The following TMC5 variants were observed in gnomAD, a reference collection of about 807,000 sequenced individuals.
TMC5 encodes the protein transmembrane channel-like protein 5.
Under a neutral mutation model 110.5 loss-of-function variants are expected in TMC5, and 86 were observed. The ratio of observed to expected loss-of-function variants is 0.78; its 90% CI spans 0.65 to 0.93. The LOEUF is 0.93. Among genes scored for constraint, TMC5 ranks in the 40% least tolerant of loss-of-function variants. The probability of loss-of-function intolerance (pLI) is 0.00; values close to 1 mark genes in which losing one functional copy is unlikely to be tolerated. For missense variants in TMC5, 1,144 were observed against 1,222.8 expected (o/e 0.94, Z 0.96); for synonymous variants, 455 against 439.5 (o/e 1.04, Z -0.44).
chr16:19,442,663 A>G (rs1967517280), intron 3 of TMC5, among the ~76,000 whole-genome samples: 1 of 152,180 alleles, frequency 6.6e-6, no homozygotes, highest in Non-Finnish European at 1.5e-5. Flanking sequence ...TTTGTGGTTT[A>G]ATCAGTAACA....
intron 5 of TMC5, among the ~76,000 whole-genome samples, chr16:19,459,438 G>T (rs1440612261): frequency 6.6e-6 from 1 of 152,124 alleles, no homozygotes. Flanking sequence ...AATGTGAGAA[G>T]TCTCTCGAAC....
rs752720741 is a variant in TMC5 at position 19,487,033 on chromosome 16, G to C, written c.2439+13G>C. ...CTACTCCAAAAATGTGAGTCAGTCC[G>C]ACATTGCCATCAATCAGCTTTGTTC... On this transcript the variant is annotated intron_variant, in intron 16 of 21. Coordinates refer to ENST00000542583, the MANE Select transcript of TMC5 (RefSeq NM_001261841.2). 3.1e-6 allele frequency: 5 copies of C among 1,613,262 alleles called. No homozygotes were observed. The African/African-American group carries it at 5.3e-5, about 17-fold the overall frequency.
intron 13 of TMC5, among the ~76,000 whole-genome samples, chr16:19,478,505 TC>T (rs1332643392): frequency 6.6e-6 from 1 of 152,104 alleles, no homozygotes; most frequent in Non-Finnish European, 1.5e-5. Context: ...CATTCATTTA[TC>T]CATCCATGCA....
Position 19,440,074 on chromosome 16 carries a change from A to T in TMC5, c.36A>T (p.Glu12Asp). The change falls in exon 3 of 22, where the codon GAA becomes GAT. Residue 12 changes from glutamate (E) to aspartate (D), a missense_variant. By Grantham distance (45) the Glu-to-Asp change is conservative. Coordinates refer to ENST00000542583, the MANE Select transcript of TMC5 (RefSeq NM_001261841.2). Reference protein sequence around the residue: ...SAYYRNNWSEEDPDYPDYSGS... With the variant: ...SAYYRNNWSEDDPDYPDYSGS... ...ACTACAGGAATAACTGGTCTGAGGA[A>T]GACCCAGATTACCCTGACTATTCAG... The T allele has an allele frequency of 6.2e-7, 1 of 1,614,120 alleles. No individual in the cohort carries two copies. Among genetic ancestry groups the T allele is most frequent in the Non-Finnish European group, 8.5e-7 (1 of 1,179,998 alleles).
chr16:19,482,878 A>T (rs1029566642), intron 15 of TMC5, among the ~76,000 whole-genome samples: 1 of 151,248 alleles, frequency 6.6e-6, no homozygotes, highest in African/African-American at 2.4e-5. Flanking sequence ...ATTTATTTTT[A>T]ATTTTCTTAT....
chr16:19,474,277 G>A lies in TMC5; in HGVS notation c.2090+1G>A. 6.2e-7 allele frequency: 1 copy of A among 1,613,544 alleles called. No individual in the cohort carries two copies. Among genetic ancestry groups the A allele is most frequent in the Non-Finnish European group, 8.5e-7 (1 of 1,179,738 alleles). ...ACGAAGTCTACGTTCTCCTGATCCGGTAGGTGATGTGTCGCGCCCAACACC... is the reference window on the plus strand; with the variant it reads ...ACGAAGTCTACGTTCTCCTGATCCGATAGGTGATGTGTCGCGCCCAACACC... On this transcript the variant is annotated splice_donor_variant, in intron 12 of 21. Coordinates refer to ENST00000542583, the MANE Select transcript of TMC5 (RefSeq NM_001261841.2). LOFTEE classifies it high-confidence loss of function.
chr16:19,427,077 C>G (rs796334132), intron 1 of TMC5, among the ~76,000 whole-genome samples: 2 of 108,234 alleles, frequency 1.8e-5, no homozygotes, highest in Non-Finnish European at 4.7e-5. Flanking sequence ...CATGTGCCCC[C>G]CTCTCCAGCA....
intron 4 of TMC5, among the ~76,000 whole-genome samples, chr16:19,445,321 C>T (rs191862123): frequency 9.9e-5 from 15 of 151,814 alleles, no homozygotes; most frequent in Admixed American, 8.5e-4. Context: ...TAGCTCACTG[C>T]AGCCTCAAAC....
intron 15 of TMC5, 77 bp from the exon 16 acceptor site, chr16:19,486,868 C>T (rs1968755090): frequency 2.3e-6 from 3 of 1,297,434 alleles, no homozygotes; most frequent in East Asian, 2.3e-5. Context: ...TCTTTCTCTT[C>T]CCCCCAACCA....
At chr16:19,490,640 T>G in intron 18 of TMC5, 72 bp downstream of exon 18, 1 of 1,530,644 alleles carries the variant, frequency 6.5e-7, no homozygotes, top group Non-Finnish European at 9.0e-7. Flanking sequence ...TAGGGATGTT[T>G]GGTTGGAAAG....
At position 19,477,179 on chromosome 16, in the gene TMC5, C is replaced by T. The variant is rs112602792; in HGVS notation, c.2091-261C>T. The T allele has an allele frequency of 7.3e-3, 2,161 of 296,290 alleles. 53 individuals are homozygous for T. The highest frequency in any genetic ancestry group is 0.046 in the African/African-American group (1,986 of 43,322). The allele number at this position is 296,290 out of a possible 1,614,324, so 18.4% of individuals were successfully genotyped here. ...AGGAGAATGGCGTGAACCTGGGAGG[C>T]GGATCTTGCAGTGAGCTGAGATCGC... On this transcript the variant is annotated intron_variant, in intron 12 of 21. Transcript: ENST00000542583.
chr16:19,440,731 T>C lies in TMC5; in HGVS notation c.693T>C (p.Asn231=). 1 of 1,614,152 alleles carries C rather than the reference T, an allele frequency of 6.2e-7. No individual in the cohort carries two copies. Among genetic ancestry groups the C allele is most frequent in the South Asian group, 1.1e-5 (1 of 91,086 alleles). The change falls in exon 3 of 22, where the codon AAT becomes AAC. Residue 231 remains asparagine, a synonymous_variant. Coordinates refer to ENST00000542583, the MANE Select transcript of TMC5 (RefSeq NM_001261841.2). ...CAGACTATCCCAGTGCTGAGGACAA[T>C]CAGAACTTGCCAAGCACTTGGAGAG... The part of the protein sequence containing the change: ...GEPDYPSAED[N]QNLPSTWREP...
intron 10 of TMC5, among the ~76,000 whole-genome samples, chr16:19,470,374 A>G (rs1314519938): frequency 1.3e-5 from 2 of 151,910 alleles, no homozygotes; most frequent in African/African-American, 4.8e-5. Flanking sequence ...TTTTTTAGAG[A>G]TGAGGTTTCA....
At chr16:19,483,825 C>T (rs1968674173) in intron 15 of TMC5, among the ~76,000 whole-genome samples, 1 of 151,124 alleles carries the variant, frequency 6.6e-6, no homozygotes, top group African/African-American at 2.4e-5. Context: ...GTGGCTCACG[C>T]CTGTAATCCC....
Position 19,443,968 on chromosome 16 carries a change from G to A in TMC5, c.789-113G>A. On this transcript the variant is annotated intron_variant, in intron 3 of 21. Coordinates refer to ENST00000542583, the MANE Select transcript of TMC5 (RefSeq NM_001261841.2). The stretch of plus-strand genomic sequence containing the variant: ...GGATGGATGGATGGATAAATGGATG[G>A]ATAAATAAATGGATGAATACATGAT... 3.6e-6 allele frequency: 4 copies of A among 1,111,926 alleles called. No homozygotes were observed. In the South Asian group the frequency reaches 6.1e-5, roughly 17 times the overall value. 68.9% of individuals were successfully genotyped at this position (1,111,926 alleles called of 1,614,324 possible). A position where few individuals can be genotyped will look rare whatever the true frequency, so the allele number is the denominator to read the frequency against.
rs1207690251 is a variant in TMC5 at position 19,440,154 on chromosome 16, C to T, written c.116C>T (p.Pro39Leu). The T allele has an allele frequency of 6.2e-7, 1 of 1,614,144 alleles. No individual in the cohort carries two copies. Among genetic ancestry groups the T allele is most frequent in the Admixed American group, 1.7e-5 (1 of 60,016 alleles). Residue 39 changes from proline to leucine, a missense_variant, in exon 3 of 22, where the codon CCA becomes CTA. Coordinates refer to ENST00000542583, the MANE Select transcript of TMC5 (RefSeq NM_001261841.2). ...AAAACTCAAGGTTATCCAGATGTTC[C>T]AGGTCCTCTGAACAATCCAGACTAC... Reference protein sequence around the residue: ...YLKTQGYPDVPGPLNNPDYPG... With the variant: ...YLKTQGYPDVLGPLNNPDYPG...
In TMC5 at chr16:19,449,595, C is replaced by T. The variant is rs773828934; in HGVS notation, c.1012C>T (p.Pro338Ser). 9 of 1,614,070 alleles carry T rather than the reference C, an allele frequency of 5.6e-6. No individual in the cohort carries two copies. The highest frequency in any genetic ancestry group is 1.7e-5 in the Admixed American group (1 of 60,000). The change falls in exon 5 of 22, where the codon CCA becomes TCA. Residue 338 changes from proline (P) to serine (S), a missense_variant. Coordinates refer to ENST00000542583, the MANE Select transcript of TMC5 (RefSeq NM_001261841.2). ...SGPVHAYGNPPLSECDWHKSP... is the reference protein window; with the variant it reads ...SGPVHAYGNPSLSECDWHKSP... The stretch of plus-strand genomic sequence containing the variant: ...TCCTGTCCATGCTTATGGAAACCCA[C>T]CATTGTCTGAATGTGATTGGCACAA...
chr16:19,478,134 T>C (rs1204925722), intron 13 of TMC5, among the ~76,000 whole-genome samples: 1 of 152,212 alleles, frequency 6.6e-6, no homozygotes, highest in East Asian at 1.9e-4. Flanking sequence ...GGCCTTCTCA[T>C]TGGGATGCCT....
chr16:19,497,134 T>G lies in TMC5; in HGVS notation c.2945T>G (p.Leu982Trp), dbSNP rs906181699. Reference protein sequence around the residue: ...ERREVEQQGFLHLGEHDGSLD... With the variant: ...ERREVEQQGFWHLGEHDGSLD... ...TTTCTTTTTCAGCAACAAGGCTTTT[T>G]GCATTTGGGGGAACATGATGGCAGT... is the stretch of plus-strand genomic sequence containing the variant. Residue 982 changes from leucine to tryptophan, a missense_variant, in exon 21 of 22, where the codon TTG becomes TGG. By Grantham distance (61) the Leu-to-Trp change is moderately conservative (BLOSUM62 -2). Transcript: ENST00000542583. 2 of 1,614,098 alleles carry G rather than the reference T, an allele frequency of 1.2e-6. No individual in the cohort carries two copies. The highest frequency in any genetic ancestry group is 2.2e-5 in the East Asian group (1 of 44,882).
Sources: gnomAD v4.1 joint callset for allele counts (sites outside exome capture counted in the v4.1 genomes callset) on GRCh38, gnomAD v4.1.1 for gene constraint, MANE v1.5 for transcripts, NCBI Gene and HGNC (gene_info 2026-07-23, HGNC 2026-07-21) for gene names.